The following ODAD2 variants were observed in gnomAD, a reference collection of about 807,000 sequenced individuals.
ODAD2 encodes the protein outer dynein arm docking complex subunit 2.
A neutral mutation model predicts 106.8 loss-of-function variants in ODAD2; 89 were observed. The observed-to-expected ratio is 0.83, with a 90% confidence interval of 0.70 to 0.99. The LOEUF (loss-of-function observed/expected upper bound fraction) is 0.99, where lower values mean the gene tolerates loss of function less well. Among genes scored for constraint, ODAD2 ranks in the 50% least tolerant of loss-of-function variants. The pLI, the probability that ODAD2 is intolerant of heterozygous loss-of-function variation, is 0.00. For synonymous variants in ODAD2, 404 were observed against 436.2 expected, an observed-to-expected ratio of 0.93 and a Z score of 0.92; for missense variants, 1,168 against 1,238.5, an observed-to-expected ratio of 0.94 and a Z score of 0.85.
intron 1 of ODAD2, among the ~76,000 whole-genome samples, chr10:27,998,417 G>C (rs1379258036): frequency 6.6e-6 from 1 of 152,114 alleles, no homozygotes; most frequent in Non-Finnish European, 1.5e-5. Flanking sequence ...GGGAAGGGAC[G>C]GCGAAAACCA....
rs1843769955 is a variant in ODAD2 at position 27,908,669 on chromosome 10, A to C, written c.2496-892T>G. Among the ~76,000 whole-genome samples, 3 of 152,330 alleles carry C rather than the reference A, an allele frequency of 2.0e-5. No individual in the cohort carries two copies. The South Asian group carries it at 6.2e-4, about 32-fold the overall frequency. On this transcript the variant is annotated intron_variant, in intron 16 of 19. Coordinates refer to ENST00000305242, the MANE Select transcript of ODAD2 (RefSeq NM_018076.5). Reference sequence around the variant, plus strand: ...GTAGTATTGAGCCACAGATAGAATAAATACTAGCTTAAAATGCCATTCAAA... The same window carrying C: ...GTAGTATTGAGCCACAGATAGAATACATACTAGCTTAAAATGCCATTCAAA...
intron 12 of ODAD2, among the ~76,000 whole-genome samples, chr10:27,942,985 C>T (rs1374221616): frequency 6.6e-6 from 1 of 152,074 alleles, no homozygotes; most frequent in East Asian, 1.9e-4. Flanking sequence ...CATATTTATC[C>T]AACAGGTATT....
chr10:27,832,448 C>A (rs1370979917), intron 19 of ODAD2, among the ~76,000 whole-genome samples: 1 of 152,138 alleles, frequency 6.6e-6, no homozygotes, highest in Non-Finnish European at 1.5e-5. Flanking sequence ...TGACTACTTT[C>A]TCTCTTGTCC....
chr10:27,845,115 G>C (rs1838627873), intron 19 of ODAD2, among the ~76,000 whole-genome samples: 1 of 141,062 alleles, frequency 7.1e-6, no homozygotes, highest in Admixed American at 7.4e-5. Context: ...ATAATTGTCA[G>C]ATTCACCAAA....
chr10:27,835,260 CAG>C (rs951666292), intron 19 of ODAD2, among the ~76,000 whole-genome samples: 3 of 152,192 alleles, frequency 2.0e-5, no homozygotes, highest in Admixed American at 2.0e-4. Context: ...TAGTGGAAAA[CAG>C]AGAGGCTGAG....
At chr10:27,891,840 G>A (rs1235878818) in intron 17 of ODAD2, among the ~76,000 whole-genome samples, 6 of 152,034 alleles carry the variant, frequency 3.9e-5, no homozygotes, top group Admixed American at 2.0e-4. Context: ...CGTGTGATAC[G>A]ACACAATTAA....
intron 17 of ODAD2, among the ~76,000 whole-genome samples, chr10:27,891,860 T>C (rs1842585901): frequency 6.6e-6 from 1 of 152,192 alleles, no homozygotes; most frequent in Non-Finnish European, 1.5e-5. Flanking sequence ...AATTTTTATA[T>C]AAATTTTCAT....
chr10:27,905,616 A>G (rs1440534994), intron 17 of ODAD2, among the ~76,000 whole-genome samples: 3 of 152,208 alleles, frequency 2.0e-5, no homozygotes, highest in Admixed American at 6.5e-5. Flanking sequence ...ACTTCAAACT[A>G]TACTACAAGG....
chr10:27,937,600 C>T (rs1272325451), intron 14 of ODAD2, among the ~76,000 whole-genome samples: 2 of 152,130 alleles, frequency 1.3e-5, no homozygotes, highest in African/African-American at 4.8e-5. Context: ...TCATTCTTCC[C>T]GGGCTCTAGA....
intron 16 of ODAD2, among the ~76,000 whole-genome samples, chr10:27,928,814 C>T (rs1845426843): frequency 1.3e-5 from 2 of 152,102 alleles, no homozygotes; most frequent in African/African-American, 2.4e-5. Context: ...CCTACATTTA[C>T]ACACAGCACT....
At chr10:27,981,391 T>C in intron 7 of ODAD2, 75 bp downstream of exon 7, 1 of 1,364,512 alleles carries the variant, frequency 7.3e-7, no homozygotes, top group Non-Finnish European at 9.5e-7. Context: ...AAAATTACTG[T>C]TTTTCTTGTA....
chr10:27,893,053 G>A (rs1351852318), intron 17 of ODAD2, among the ~76,000 whole-genome samples: 1 of 152,084 alleles, frequency 6.6e-6, no homozygotes, highest in Admixed American at 6.6e-5. Context: ...CAGCTACTCG[G>A]GAGGCTGAGG....
intron 17 of ODAD2, among the ~76,000 whole-genome samples, chr10:27,885,527 A>ATAT (rs1564465114): frequency 7.8e-4 from 15 of 19,130 alleles, no homozygotes; most frequent in East Asian, 2.1e-3. Context: ...AAAAAAAAAA[A>ATAT]AAAAAAATAT....
At chr10:27,913,844 CA>C (rs1229453097) in intron 16 of ODAD2, among the ~76,000 whole-genome samples, 95 of 152,174 alleles carry the variant, frequency 6.2e-4, no homozygotes, top group African/African-American at 2.3e-3. Context: ...CAGATGCTGG[CA>C]AGGTTGTGGA....
intron 6 of ODAD2, 25 bp from the exon 7 acceptor site, chr10:27,981,607 C>A: frequency 1.4e-6 from 2 of 1,424,246 alleles, no homozygotes; most frequent in Non-Finnish European, 1.9e-6. Flanking sequence ...AAGTTTCATT[C>A]TATGATTAAC....
chr10:27,965,654 T>C (rs1420863295), intron 9 of ODAD2, among the ~76,000 whole-genome samples: 1 of 152,132 alleles, frequency 6.6e-6, no homozygotes, highest in Non-Finnish European at 1.5e-5. Context: ...TTCCCATTAA[T>C]CTTTACAAAA....
rs190702741 is a variant in ODAD2, at chr10:27,913,801, C to T, written c.2496-6024G>A. Among the ~76,000 whole-genome samples the T allele has an allele frequency of 2.0e-4, 31 of 152,100 alleles. 1 individual carries two copies. The East Asian group carries it at 2.7e-3, about 13-fold the overall frequency. ...CAAGAAGATACTATCTCACATGAGTCGGAATGGCTATTATGAAAAAGTCAA... is the reference window on the plus strand; with the variant it reads ...CAAGAAGATACTATCTCACATGAGTTGGAATGGCTATTATGAAAAAGTCAA... On this transcript the variant is annotated intron_variant, in intron 16 of 19. Coordinates refer to ENST00000305242, the MANE Select transcript of ODAD2 (RefSeq NM_018076.5).
intron 16 of ODAD2, among the ~76,000 whole-genome samples, chr10:27,930,481 T>C (rs1466464876): frequency 2.6e-5 from 4 of 151,964 alleles, no homozygotes; most frequent in Non-Finnish European, 5.9e-5. Context: ...ACCACTGCAC[T>C]CCAGCCTGGG....
chr10:27,945,262 G>A (rs562611636), intron 10 of ODAD2, among the ~76,000 whole-genome samples: 24 of 152,354 alleles, frequency 1.6e-4, no homozygotes, highest in African/African-American at 5.3e-4. Context: ...AATGCAAGAT[G>A]TACACAGAGC....
Sources: gnomAD v4.1 joint callset for allele counts (sites outside exome capture counted in the v4.1 genomes callset) on GRCh38, gnomAD v4.1.1 for gene constraint, MANE v1.5 for transcripts, NCBI Gene and HGNC (gene_info 2026-07-23, HGNC 2026-07-21) for gene names.